The following POLK variants were observed in gnomAD, a reference collection of about 807,000 sequenced individuals.
POLK encodes the protein polymerase (DNA directed) kappa.
Under a neutral mutation model 94.0 loss-of-function variants are expected in POLK, and 76 were observed. The ratio of observed to expected loss-of-function variants is 0.81; its 90% CI spans 0.67 to 0.98. The LOEUF (loss-of-function observed/expected upper bound fraction) is 0.98. POLK is among the 50% of genes least tolerant of loss of function. The probability of loss-of-function intolerance (pLI) is 0.00; values close to 1 mark genes in which losing one functional copy is unlikely to be tolerated. For synonymous variants in POLK, 349 were observed against 325.4 expected, an observed-to-expected ratio of 1.07 and a Z score of -0.78; for missense variants, 954 against 1,010.1, an observed-to-expected ratio of 0.94 and a Z score of 0.75.
intron 6 of POLK, 21 bp downstream of exon 6, chr5:75,576,954 A>G (rs773024309): frequency 4.1e-6 from 6 of 1,469,140 alleles, no homozygotes; most frequent in East Asian, 2.4e-5. Flanking sequence ...TATTAAGACT[A>G]TCAAACCAAG....
At chr5:75,573,699 G>A (rs762108362) in intron 4 of POLK, 39 bp from the exon 5 acceptor site, 48 of 1,556,802 alleles carry the variant, frequency 3.1e-5, no homozygotes, top group Non-Finnish European at 3.9e-5. Context: ...GTCCATTTAG[G>A]TTTGTGTATT....
intron 3 of POLK, among the ~76,000 whole-genome samples, chr5:75,566,265 C>T (rs1438701845): frequency 3.3e-5 from 5 of 152,216 alleles, no homozygotes; most frequent in African/African-American, 7.2e-5. Flanking sequence ...CTGCCAGCAG[C>T]GAGAATTTCA....
intron 2 of POLK, among the ~76,000 whole-genome samples, chr5:75,550,189 A>G (rs1770263529): frequency 6.6e-6 from 1 of 152,252 alleles, no homozygotes; most frequent in South Asian, 2.1e-4. Context: ...TATGAATGCA[A>G]AAGTCCTCAA....
At chr5:75,578,919 C>T (rs899782951) in intron 6 of POLK, among the ~76,000 whole-genome samples, 1 of 152,156 alleles carries the variant, frequency 6.6e-6, no homozygotes, top group African/African-American at 2.4e-5. Context: ...CACTTGTCTT[C>T]CAAATGAAAT....
chr5:75,583,258 A>C lies in POLK; in HGVS notation c.935-35A>C, dbSNP rs5744679. ...GCATATTTAAAAGTCATACATATCA[A>C]CTTCTTTGAGTCATCAGAGTATTCT... is the stretch of plus-strand genomic sequence containing the variant. On this transcript the variant is annotated intron_variant, in intron 7 of 14. Transcript: ENST00000241436. 3.1e-5 allele frequency: 47 copies of C among 1,511,240 alleles called. No individual in the cohort carries two copies. In the African/African-American group the frequency reaches 6.6e-4, roughly 21 times the overall value. The allele number at this position is 1,511,240 out of a possible 1,614,324, so 93.6% of individuals were successfully genotyped here.
chr5:75,596,180 G>C, intron 12 of POLK, 42 bp from the exon 13 acceptor site: 1 of 1,137,214 alleles, frequency 8.8e-7, no homozygotes, highest in Non-Finnish European at 1.3e-6. Context: ...GAGTGAATTG[G>C]CTTTGTTCAA....
chr5:75,557,812 CAG>C lies in POLK; in HGVS notation c.255+5224_255+5225del, dbSNP rs1267329451. On this transcript the variant is annotated intron_variant, in intron 3 of 14. Transcript: ENST00000241436. ...TTTATGTTTTGTTTTGTTTTTGAGACAGAGTCTCCCTCTGTCACCCAGGCTGC... is the reference window on the plus strand; with the variant it reads ...TTTATGTTTTGTTTTGTTTTTGAGACAGTCTCCCTCTGTCACCCAGGCTGC... Among the ~76,000 whole-genome samples the C allele has an allele frequency of 2.0e-5, 3 of 152,098 alleles. No individual in the cohort carries two copies. In the East Asian group the frequency reaches 5.8e-4, roughly 29 times the overall value.
chr5:75,543,980 C>T (rs142675609), intron 1 of POLK, among the ~76,000 whole-genome samples: 25 of 152,166 alleles, frequency 1.6e-4, no homozygotes, highest in Middle Eastern at 3.4e-3. Context: ...ACTACAGGTG[C>T]GCATCACTAC....
chr5:75,571,344 T>C (rs180802618), intron 4 of POLK, among the ~76,000 whole-genome samples: 18 of 152,316 alleles, frequency 1.2e-4, no homozygotes, highest in Admixed American at 1.1e-3. Flanking sequence ...TTTGAAATGT[T>C]CTAACTTGGC....
chr5:75,511,679 C>T, upstream of POLK: 1 of 1,530,742 alleles, frequency 6.5e-7, no homozygotes, highest in African/African-American at 1.4e-5. Context: ...CCCATTCTCC[C>T]CCACTACTCC....
At chr5:75,570,862 T>G (rs1282555851) in intron 4 of POLK, among the ~76,000 whole-genome samples, 6 of 152,152 alleles carry the variant, frequency 3.9e-5, no homozygotes, top group African/African-American at 1.4e-4. Context: ...AATCTGTTTG[T>G]TTTTTTATCT....
At chr5:75,558,241 T>G (rs964114089) in intron 3 of POLK, among the ~76,000 whole-genome samples, 1 of 152,066 alleles carries the variant, frequency 6.6e-6, no homozygotes, top group African/African-American at 2.4e-5. Flanking sequence ...TGTTGTTTTT[T>G]TTTTTTGGTC....
chr5:75,578,382 C>T (rs1376968397), intron 6 of POLK, among the ~76,000 whole-genome samples: 1 of 152,178 alleles, frequency 6.6e-6, no homozygotes, highest in Non-Finnish European at 1.5e-5. Flanking sequence ...GTCTCAAACT[C>T]CTGACCTCAG....
At chr5:75,604,579 G>A (rs556188311), downstream of POLK, among the ~76,000 whole-genome samples, 3 of 152,262 alleles carry the variant, frequency 2.0e-5, no homozygotes, top group African/African-American at 7.2e-5. Flanking sequence ...ATCTTGCTAT[G>A]TGGCCTAGAT....
At chr5:75,591,957 G>T (rs1369768039) in intron 11 of POLK, among the ~76,000 whole-genome samples, 1 of 152,184 alleles carries the variant, frequency 6.6e-6, no homozygotes, top group Non-Finnish European at 1.5e-5. Context: ...TGTTTGCTAG[G>T]CTTCTCCACT....
At chr5:75,574,542 T>C (rs1056168190) in intron 5 of POLK, among the ~76,000 whole-genome samples, 6 of 152,226 alleles carry the variant, frequency 3.9e-5, no homozygotes, top group African/African-American at 7.2e-5. Flanking sequence ...CATCAAATAC[T>C]TTTAGACTGC....
chr5:75,519,882 A>G (rs1389234265), intron 1 of POLK, among the ~76,000 whole-genome samples: 3 of 152,138 alleles, frequency 2.0e-5, no homozygotes, highest in Non-Finnish European at 4.4e-5. Context: ...ATTCAGTGTT[A>G]TTATTGGTAA....
At chr5:75,585,470 A>G in intron 9 of POLK, among the ~76,000 whole-genome samples, 1 of 152,216 alleles carries the variant, frequency 6.6e-6, no homozygotes, top group East Asian at 1.9e-4. Flanking sequence ...AACCAAATAA[A>G]CAAATGAAGA....
chr5:75,560,453 A>G (rs1221462765), intron 3 of POLK, among the ~76,000 whole-genome samples: 1 of 152,192 alleles, frequency 6.6e-6, no homozygotes, highest in Non-Finnish European at 1.5e-5. Context: ...CCTGTCCTGT[A>G]ACTAATGAGT....
Sources: gnomAD v4.1 joint callset for allele counts (sites outside exome capture counted in the v4.1 genomes callset) on GRCh38, gnomAD v4.1.1 for gene constraint, MANE v1.5 for transcripts, NCBI Gene and HGNC (gene_info 2026-07-23, HGNC 2026-07-21) for gene names.